The following ARHGEF10 variants were observed in gnomAD, a reference collection of about 807,000 sequenced individuals.
ARHGEF10 encodes the protein Rho guanine nucleotide exchange factor (GEF) 10.
Under a neutral mutation model 147.4 loss-of-function variants are expected in ARHGEF10, and 140 were observed. That is an observed-to-expected ratio of 0.95 (90% CI 0.83 to 1.09). ARHGEF10 has a LOEUF of 1.09. ARHGEF10 is among the 50% of genes least tolerant of loss of function. The pLI, the probability that ARHGEF10 is intolerant of heterozygous loss-of-function variation, is 0.00. For missense variants in ARHGEF10, 2,222 were observed against 1,752.7 expected (o/e 1.27, Z -4.78); for synonymous variants, 902 against 695.8 (o/e 1.30, Z -4.67).
chr8:1,938,151 G>A (rs1400141511), intron 26 of ARHGEF10, among the ~76,000 whole-genome samples: 1 of 152,144 alleles, frequency 6.6e-6, no homozygotes, highest in Non-Finnish European at 1.5e-5. Flanking sequence ...CTTTAGGGGA[G>A]GGGAAGTATC....
rs1176295131 is a variant in ARHGEF10, at chr8:1,859,941, C to G, written c.238C>G (p.Pro80Ala). Reference protein sequence around the residue: ...AGAETTPVAEPTKLVLPMKVN... With the variant: ...AGAETTPVAEATKLVLPMKVN... ...AGCAGAAACCACCCCAGTGGCAGAG[C>G]CTACTAAGCTGGTGCTCCCGATGAA... is the stretch of plus-strand genomic sequence containing the variant. The change falls in exon 4 of 29, where the codon CCT becomes GCT. Residue 80 changes from proline (P) to alanine (A), a missense_variant. Pro to Ala is a conservative substitution (Grantham distance 27, BLOSUM62 -1). Coordinates refer to ENST00000349830, the MANE Select transcript of ARHGEF10 (RefSeq NM_014629.4). 1 of 1,614,184 alleles carries G rather than the reference C, an allele frequency of 6.2e-7. No individual in the cohort carries two copies. The highest frequency in any genetic ancestry group is 2.2e-5 in the East Asian group (1 of 44,866).
At chr8:1,881,222 C>A (rs1808165726) in intron 9 of ARHGEF10, among the ~76,000 whole-genome samples, 1 of 152,178 alleles carries the variant, frequency 6.6e-6, no homozygotes, top group African/African-American at 2.4e-5. Context: ...CTGTGTCAGC[C>A]CTGAGATCCG....
At chr8:1,850,859 C>T (rs57781446) in intron 2 of ARHGEF10, among the ~76,000 whole-genome samples, 2,312 of 152,222 alleles carry the variant, frequency 0.015, 59 homozygotes, top group African/African-American at 0.053. Context: ...GTGGAACATT[C>T]AGTGCTAGGA....
At chr8:1,912,473 G>A (rs375671634) in intron 18 of ARHGEF10, among the ~76,000 whole-genome samples, 3 of 150,872 alleles carry the variant, frequency 2.0e-5, no homozygotes, top group South Asian at 4.2e-4. Flanking sequence ...AGTGTTTGCC[G>A]TGCAGTGTTA....
At chr8:1,877,687 C>T (rs907506680) in intron 8 of ARHGEF10, among the ~76,000 whole-genome samples, 1 of 151,080 alleles carries the variant, frequency 6.6e-6, no homozygotes, top group Non-Finnish European at 1.5e-5. Context: ...AGGCACCTCC[C>T]AGGTCTCGGT....
intron 5 of ARHGEF10, among the ~76,000 whole-genome samples, chr8:1,865,260 C>T (rs887421655): frequency 1.3e-5 from 2 of 152,072 alleles, no homozygotes; most frequent in African/African-American, 2.4e-5. Context: ...GCACACAGGG[C>T]GACCCCAGCA....
chr8:1,862,775 C>CTT (rs10594929), intron 4 of ARHGEF10, among the ~76,000 whole-genome samples: 72 of 120,480 alleles, frequency 6.0e-4, no homozygotes, highest in Non-Finnish European at 7.8e-4. Context: ...TTTTCTTCTT[C>CTT]TTTTTTTTTT....
chr8:1,873,350 A>G (rs12545104), intron 7 of ARHGEF10, among the ~76,000 whole-genome samples: 75,158 of 151,746 alleles, frequency 0.5, 19,131 homozygotes, highest in East Asian at 0.87. Flanking sequence ...GTATGTTTAT[A>G]AGAACTCAGA....
intron 20 of ARHGEF10, 77 bp from the exon 21 acceptor site, chr8:1,923,697 C>G (rs1245644594): frequency 2.5e-6 from 4 of 1,612,426 alleles, no homozygotes; most frequent in Non-Finnish European, 3.4e-6. Context: ...TTCTATCAGA[C>G]AGGCAAAATG....
rs570155932 is a variant in ARHGEF10 at position 1,928,614 on chromosome 8, A to G, written c.2885A>G (p.Asp962Gly). 8.7e-6 allele frequency: 14 copies of G among 1,614,158 alleles called. No individual in the cohort carries two copies. The South Asian group carries it at 1.4e-4, about 16-fold the overall frequency. ...DPETPAVRASDVPTICVGTEE... is the reference protein window; with the variant it reads ...DPETPAVRASGVPTICVGTEE... ...GAGACCCCGGCCGTGAGAGCTTCTGATGTCCCCACGATCTGTGTAGGGACG... is the reference window on the plus strand; with the variant it reads ...GAGACCCCGGCCGTGAGAGCTTCTGGTGTCCCCACGATCTGTGTAGGGACG... Residue 962 changes from aspartate to glycine, a missense_variant, in exon 24 of 29, where the codon GAT (aspartate) becomes GGT (glycine). Transcript: ENST00000349830.
chr8:1,898,428 C>G lies in ARHGEF10; in HGVS notation c.1558-5C>G, dbSNP rs764123838. ...GGGAGGTGACCCCGGTGCCTTCCCC[C>G]ACAGCAGGAACAGGAGGCCAGCCCC... On this transcript the variant is annotated splice_region_variant and splice_polypyrimidine_tract_variant and intron_variant, in intron 14 of 28. Coordinates refer to ENST00000349830, the MANE Select transcript of ARHGEF10 (RefSeq NM_014629.4). 2.5e-6 allele frequency: 4 copies of G among 1,613,894 alleles called. No homozygotes were observed. Among genetic ancestry groups the G allele is most frequent in the African/African-American group, 2.7e-5 (2 of 74,920 alleles).
In ARHGEF10 at chr8:1,898,462, C is replaced by G. The variant is rs771558719; in HGVS notation, c.1587C>G (p.Thr529=). The G allele has an allele frequency of 7.4e-6, 12 of 1,614,022 alleles. No individual in the cohort carries two copies. The African/African-American group carries it at 1.1e-4, about 14-fold the overall frequency. ...AACAGGAGGCCAGCCCCGATCGAAC[C>G]ACGCTCTACAGCCTGATGATGAAGC... is the stretch of plus-strand genomic sequence containing the variant. The part of the protein sequence containing the change: ...KQEQEASPDR[T]TLYSLMMKPI... Residue 529 remains threonine (T), a synonymous_variant, in exon 15 of 29, where the codon ACC becomes ACG. Coordinates refer to ENST00000349830, the MANE Select transcript of ARHGEF10 (RefSeq NM_014629.4).
At chr8:1,842,084 C>T (rs370080656) in intron 1 of ARHGEF10, among the ~76,000 whole-genome samples, 10 of 147,426 alleles carry the variant, frequency 6.8e-5, no homozygotes, top group African/African-American at 2.5e-4. Flanking sequence ...GAACTGGGGC[C>T]GCGAGGCGCC....
chr8:1,946,268 C>T (rs1173627742), intron 27 of ARHGEF10, among the ~76,000 whole-genome samples: 1 of 152,236 alleles, frequency 6.6e-6, no homozygotes, highest in African/African-American at 2.4e-5. Context: ...TGTTTTGCTT[C>T]TTTGCCTGCT....
intron 1 of ARHGEF10, among the ~76,000 whole-genome samples, chr8:1,829,764 G>A (rs1802976238): frequency 6.6e-6 from 1 of 152,194 alleles, no homozygotes. Flanking sequence ...GCGCTGCACG[G>A]CGGCGCAGCG....
intron 1 of ARHGEF10, among the ~76,000 whole-genome samples, chr8:1,824,515 G>C (rs1008132882): frequency 6.6e-6 from 1 of 151,782 alleles, no homozygotes; most frequent in African/African-American, 2.4e-5. Context: ...AGAAGGACCG[G>C]TGTAAGGAAA....
At chr8:1,945,995 C>T (rs922959446) in intron 27 of ARHGEF10, 2 of 453,630 alleles carry the variant, frequency 4.4e-6, no homozygotes, top group Non-Finnish European at 8.2e-6. Context: ...CTGGGGAAGC[C>T]AGGACCTGAG....
At chr8:1,891,837 A>G (rs1391669671) in intron 11 of ARHGEF10, among the ~76,000 whole-genome samples, 1 of 152,070 alleles carries the variant, frequency 6.6e-6, no homozygotes, top group Admixed American at 6.5e-5. Context: ...AGTAGCCATG[A>G]AACCCAGAAT....
At chr8:1,943,192 C>T (rs1320751495) in intron 26 of ARHGEF10, among the ~76,000 whole-genome samples, 8 of 152,164 alleles carry the variant, frequency 5.3e-5, no homozygotes, top group African/African-American at 1.4e-4. Context: ...ACAGCCCAGC[C>T]GGAAAGGGGC....
Sources: gnomAD v4.1 joint callset for allele counts (sites outside exome capture counted in the v4.1 genomes callset) on GRCh38, gnomAD v4.1.1 for gene constraint, MANE v1.5 for transcripts, NCBI Gene and HGNC (gene_info 2026-07-23, HGNC 2026-07-21) for gene names.